ANKFN1: variants seen among roughly 807,000 people sequenced by gnomAD.
The protein encoded by ANKFN1 is ankyrin repeat and fibronectin type-III domain-containing protein 1.
A neutral mutation model predicts 108.7 loss-of-function variants in ANKFN1; 74 were observed. The ratio of observed to expected loss-of-function variants is 0.68; its 90% CI spans 0.56 to 0.83. ANKFN1 has a LOEUF of 0.83. Ranked by LOEUF, ANKFN1 falls within the 40% of genes least tolerant of loss-of-function variation. The probability of loss-of-function intolerance (pLI) is 0.00; values close to 1 mark genes in which losing one functional copy is unlikely to be tolerated. For missense variants in ANKFN1, 1,505 were observed against 1,382.3 expected (o/e 1.09, Z -1.41); for synonymous variants, 547 against 516.2 (o/e 1.06, Z -0.81).
intron 3 of ANKFN1, among the ~76,000 whole-genome samples, chr17:56,228,769 T>C (rs975215451): frequency 6.6e-6 from 1 of 152,052 alleles, no homozygotes; most frequent in African/African-American, 2.4e-5. Flanking sequence ...ACTAAGCAAG[T>C]AATCAACAAC....
chr17:56,177,197 GT>G (rs1911251619), intron 1 of ANKFN1, among the ~76,000 whole-genome samples: 2 of 152,204 alleles, frequency 1.3e-5, no homozygotes. Flanking sequence ...ATTTGGTTTG[GT>G]TTTCCCAAGG....
In ANKFN1 at chr17:56,399,916, A is replaced by T; in HGVS notation, c.910+25202A>T. On this transcript the variant is annotated intron_variant, in intron 8 of 20. Coordinates refer to ENST00000682825, the MANE Select transcript of ANKFN1 (RefSeq NM_001370326.1). ...TGAGTATTCCATTTTATATATATAT[A>T]TTATATATAGTGATATATATACAGT... 2.7e-5 allele frequency among the ~76,000 whole-genome samples: 4 copies of T among 146,678 alleles called. No homozygotes were observed. The East Asian group carries it at 7.8e-4, about 29-fold the overall frequency.
chr17:56,382,041 G>A (rs28806530), intron 8 of ANKFN1, among the ~76,000 whole-genome samples: 4,976 of 152,264 alleles, frequency 0.033, 131 homozygotes, highest in Middle Eastern at 0.088. Context: ...AAAGAGAAAG[G>A]TCGGGTTACC....
At chr17:56,200,110 T>TA (rs1190499547) in intron 1 of ANKFN1, among the ~76,000 whole-genome samples, 2 of 152,190 alleles carry the variant, frequency 1.3e-5, no homozygotes, top group Non-Finnish European at 2.9e-5. Context: ...CTCTTGAGTA[T>TA]TACTGGAACA....
chr17:56,445,146 A>C (rs536811241), intron 10 of ANKFN1, among the ~76,000 whole-genome samples: 1 of 152,374 alleles, frequency 6.6e-6, no homozygotes. Flanking sequence ...TTAGGATAAA[A>C]GGAACCAATC....
At chr17:56,254,960 C>T (rs1417495084) in intron 3 of ANKFN1, among the ~76,000 whole-genome samples, 1 of 152,160 alleles carries the variant, frequency 6.6e-6, no homozygotes, top group Non-Finnish European at 1.5e-5. Context: ...AGCCATCAGA[C>T]CAGTCTGGCC....
rs1555604530 is a variant in ANKFN1, at chr17:56,170,774, T to TA, written c.-71+17244_-71+17245insA. ...TGAGACTCTGTCAAGAAAAAATTTT[T>TA]TATATATATATATATATATATATAT... On this transcript the variant is annotated intron_variant, in intron 1 of 20. Transcript: ENST00000682825. Among the ~76,000 whole-genome samples, 147 of 68,084 alleles carry TA rather than the reference T, an allele frequency of 2.2e-3. 1 individual carries two copies. The highest frequency in any genetic ancestry group is 9.6e-3 in the Middle Eastern group (1 of 104). 44.7% of individuals were successfully genotyped at this position (68,084 alleles called of 152,430 possible).
chr17:56,187,066 A>G (rs1228209161), intron 1 of ANKFN1, among the ~76,000 whole-genome samples: 12 of 152,336 alleles, frequency 7.9e-5, no homozygotes, highest in African/African-American at 1.9e-4. Context: ...AATGGCAACA[A>G]AAGCCAAAAT....
At chr17:56,288,495 T>G (rs1308752729) in intron 3 of ANKFN1, among the ~76,000 whole-genome samples, 2 of 152,150 alleles carry the variant, frequency 1.3e-5, no homozygotes, top group African/African-American at 2.4e-5. Flanking sequence ...AATAATTATT[T>G]GTAACTTAAT....
intron 3 of ANKFN1, among the ~76,000 whole-genome samples, chr17:56,303,694 A>AT (rs1336560799): frequency 2.0e-5 from 3 of 151,230 alleles, no homozygotes; most frequent in African/African-American, 4.9e-5. Flanking sequence ...TTTAATTATT[A>AT]TTTTTTTTGA....
intron 15 of ANKFN1, 106 bp from the exon 16 acceptor site, chr17:56,477,382 A>G: frequency 8.9e-7 from 1 of 1,129,130 alleles, no homozygotes; most frequent in South Asian, 1.9e-5. Flanking sequence ...ACTTAGTGAC[A>G]GCTCCTTTCA....
intron 4 of ANKFN1, among the ~76,000 whole-genome samples, chr17:56,069,757 C>T (rs577486257): frequency 6.2e-4 from 94 of 152,064 alleles, no homozygotes; most frequent in African/African-American, 2.1e-3. Flanking sequence ...AAATTCAGGG[C>T]GAGTCCATAC....
chr17:56,158,214 C>CTTGCCTAATACA (rs1909293626), intron 1 of ANKFN1, among the ~76,000 whole-genome samples: 1 of 152,164 alleles, frequency 6.6e-6, no homozygotes, highest in South Asian at 2.1e-4. Flanking sequence ...CTGAGCAACT[C>CTTGCCTAATACA]CCCTCACATA....
At chr17:56,056,987 A>C (rs1470734632) in intron 4 of ANKFN1, among the ~76,000 whole-genome samples, 2 of 152,218 alleles carry the variant, frequency 1.3e-5, no homozygotes, top group African/African-American at 4.8e-5. Flanking sequence ...CTGCTTTATC[A>C]ACCCAAGTTT....
chr17:56,285,138 C>T (rs771422182), intron 3 of ANKFN1, among the ~76,000 whole-genome samples: 64 of 152,160 alleles, frequency 4.2e-4, no homozygotes, highest in Non-Finnish European at 5.9e-5. Context: ...TCCTCTCTCA[C>T]AAAATTTTAA....
intron 4 of ANKFN1, among the ~76,000 whole-genome samples, chr17:56,138,512 C>CTTTTT (rs59070658): frequency 7.4e-6 from 1 of 135,796 alleles, no homozygotes; most frequent in African/African-American, 2.7e-5. Context: ...TTTTTCTTTT[C>CTTTTT]TTTTTTTTTT....
intron 8 of ANKFN1, among the ~76,000 whole-genome samples, chr17:56,423,185 G>A (rs2048463581): frequency 6.6e-6 from 1 of 152,204 alleles, no homozygotes; most frequent in Non-Finnish European, 1.5e-5. Context: ...AATGAGCTGA[G>A]CAGATCACCC....
chr17:56,460,171 A>G (rs2049853505), intron 14 of ANKFN1, among the ~76,000 whole-genome samples: 1 of 152,020 alleles, frequency 6.6e-6, no homozygotes, highest in African/African-American at 2.4e-5. Flanking sequence ...TTGCTTTCTC[A>G]CACTGTAAAG....
chr17:56,282,852 T>C (rs1192778795), intron 3 of ANKFN1, among the ~76,000 whole-genome samples: 1 of 152,156 alleles, frequency 6.6e-6, no homozygotes, highest in African/African-American at 2.4e-5. Flanking sequence ...AAAGTACCTT[T>C]AAATTGAAGT....
Sources: allele counts gnomAD v4.1 joint callset (sites outside exome capture counted in the v4.1 genomes callset), GRCh38; gene constraint gnomAD v4.1.1; transcripts MANE v1.5; gene names NCBI Gene and HGNC (gene_info 2026-07-23, HGNC 2026-07-21).